Variants in GLRA2 observed in about 807,000 individuals in gnomAD.
GLRA2 encodes glycine receptor alpha 2.
A neutral mutation model predicts 31.6 loss-of-function variants in GLRA2; 11 were observed. The ratio of observed to expected loss-of-function variants is 0.35; its 90% CI spans 0.22 to 0.58. The LOEUF (loss-of-function observed/expected upper bound fraction) is 0.58. Among genes scored for constraint, GLRA2 ranks in the 20% least tolerant of loss-of-function variants. The probability of loss-of-function intolerance (pLI) is 0.84; values close to 1 mark genes in which losing one functional copy is unlikely to be tolerated. For synonymous variants in GLRA2, 132 were observed against 134.0 expected (o/e 0.99, Z 0.10); for missense variants, 212 against 351.8 (o/e 0.60, Z 3.18).
chrX:14,651,451 C>T (rs12006801), intron 7 of GLRA2, among the ~76,000 whole-genome samples: 25,146 of 110,309 alleles, frequency 0.23, 2,155 homozygotes, highest in Middle Eastern at 0.27. Context: ...CAACGATGAA[C>T]CACATATACA....
chrX:14,709,617 A>G (rs1256429369), intron 8 of GLRA2, among the ~76,000 whole-genome samples: 2 of 112,414 alleles, frequency 1.8e-5, no homozygotes, highest in Non-Finnish European at 3.8e-5. Context: ...AAATGGTTGC[A>G]GGGAAAGCAT....
chrX:14,637,622 A>G (rs1206847032), intron 7 of GLRA2, among the ~76,000 whole-genome samples: 1 of 112,036 alleles, frequency 8.9e-6, no homozygotes, highest in African/African-American at 3.2e-5. Flanking sequence ...TAGGCTTTGC[A>G]TATCCCATTT....
At chrX:14,684,935 T>C (rs1467917122) in intron 7 of GLRA2, among the ~76,000 whole-genome samples, 2 of 111,027 alleles carry the variant, frequency 1.8e-5, no homozygotes, top group Non-Finnish European at 3.8e-5. Flanking sequence ...CCATTCAGTA[T>C]GATATTAGCT....
Position 14,699,101 on chromosome X carries a change from G to A in GLRA2, c.1080+8242G>A, listed in dbSNP as rs907388035. Among the ~76,000 whole-genome samples the A allele has an allele frequency of 4.5e-5, 5 of 111,943 alleles. No homozygotes were observed. The East Asian group carries it at 1.4e-3, about 31-fold the overall frequency. ...GCCCAGATCTTCCCTGACAGAACTG[G>A]CCAACCCCAGTCTATTAGAAGCTGA... On this transcript the variant is annotated intron_variant, in intron 8 of 8. Coordinates refer to ENST00000218075, the MANE Select transcript of GLRA2 (RefSeq NM_002063.4).
At chrX:14,603,081 A>ATTTT (rs58676051) in intron 4 of GLRA2, among the ~76,000 whole-genome samples, 1 of 96,285 alleles carries the variant, frequency 1.0e-5, no homozygotes, top group South Asian at 4.6e-4. Flanking sequence ...GCCAACATCT[A>ATTTT]TTTTTTTTTT....
intron 8 of GLRA2, among the ~76,000 whole-genome samples, chrX:14,714,171 G>A (rs2091751576): frequency 9.1e-6 from 1 of 110,352 alleles, no homozygotes; most frequent in Non-Finnish European, 1.9e-5. Flanking sequence ...TGTAGGGGAG[G>A]CTAGAATATT....
chrX:14,514,228 T>C, the GLRA2 span, among the ~76,000 whole-genome samples: 1 of 107,892 alleles, frequency 9.3e-6, no homozygotes, highest in Non-Finnish European at 1.9e-5. Context: ...TTAAGAATAA[T>C]ACAGTGGACT....
chrX:14,701,239 C>T (rs1482019376), intron 8 of GLRA2, among the ~76,000 whole-genome samples: 1 of 110,701 alleles, frequency 9.0e-6, no homozygotes, highest in East Asian at 2.8e-4. Context: ...GTCCATCGGA[C>T]GTAGGGGAAA....
chrX:14,452,851 C>G, the GLRA2 span, among the ~76,000 whole-genome samples: 13 of 112,038 alleles, frequency 1.2e-4, no homozygotes, highest in African/African-American at 4.2e-4. Flanking sequence ...TGCACCACCT[C>G]CCTTTTAAAA....
At chrX:14,473,282 G>T in the GLRA2 span, among the ~76,000 whole-genome samples, 33 of 111,551 alleles carry the variant, frequency 3.0e-4, no homozygotes, top group African/African-American at 1.0e-3. Context: ...GGACATTCAG[G>T]ATGTGGTTTA....
At chrX:14,482,748 C>A in the GLRA2 span, among the ~76,000 whole-genome samples, 2 of 110,055 alleles carry the variant, frequency 1.8e-5, no homozygotes, top group African/African-American at 6.6e-5. Context: ...ATAATTGTCA[C>A]CACCACCACC....
intron 7 of GLRA2, among the ~76,000 whole-genome samples, chrX:14,614,603 T>C (rs957761082): frequency 1.8e-5 from 2 of 112,138 alleles, no homozygotes; most frequent in African/African-American, 6.5e-5. Context: ...ACTGCTAATC[T>C]TTCTGCTTTC....
the GLRA2 span, among the ~76,000 whole-genome samples, chrX:14,494,805 T>A: frequency 8.9e-6 from 1 of 111,809 alleles, no homozygotes; most frequent in Non-Finnish European, 1.9e-5. Context: ...CTAAATGGGT[T>A]TTGCAGAAAA....
chrX:14,655,824 TATG>T (rs1394618984), intron 7 of GLRA2, among the ~76,000 whole-genome samples: 3 of 112,157 alleles, frequency 2.7e-5, no homozygotes, highest in Non-Finnish European at 5.6e-5. Context: ...TTTCCCCAAA[TATG>T]ATGTAACCTC....
the GLRA2 span, among the ~76,000 whole-genome samples, chrX:14,476,965 CTAGTT>C: frequency 4.5e-5 from 5 of 111,641 alleles, no homozygotes; most frequent in African/African-American, 1.3e-4. Flanking sequence ...CTCTATTACT[CTAGTT>C]TAGAACAAAC....
chrX:14,675,029 G>T (rs1453016377), intron 7 of GLRA2, among the ~76,000 whole-genome samples: 1 of 112,026 alleles, frequency 8.9e-6, no homozygotes, highest in East Asian at 2.8e-4. Context: ...GCAGGCACAG[G>T]AAGTAGACTA....
At chrX:14,626,942 C>G (rs2090595558) in intron 7 of GLRA2, among the ~76,000 whole-genome samples, 1 of 111,259 alleles carries the variant, frequency 9.0e-6, no homozygotes, top group South Asian at 3.7e-4. Context: ...CTATGGTACT[C>G]AAACCAGAAT....
intron 7 of GLRA2, among the ~76,000 whole-genome samples, chrX:14,647,935 T>G (rs2090848414): frequency 8.9e-6 from 1 of 112,296 alleles, no homozygotes; most frequent in Non-Finnish European, 1.9e-5. Context: ...CTGGAAAGGT[T>G]GGAGGATAAT....
chrX:14,524,588 A>T (rs180909301), upstream of GLRA2, among the ~76,000 whole-genome samples: 8 of 111,939 alleles, frequency 7.1e-5, no homozygotes, highest in East Asian at 2.2e-3. Context: ...AAGTGGAGGA[A>T]AGAATGTCTG....
Sources: allele counts gnomAD v4.1 joint callset (sites outside exome capture counted in the v4.1 genomes callset), GRCh38; gene constraint gnomAD v4.1.1; transcripts MANE v1.5; gene names NCBI Gene and HGNC (gene_info 2026-07-23, HGNC 2026-07-21).